C3AR1: variants seen among roughly 807,000 people sequenced by gnomAD.
The protein encoded by C3AR1 is complement C3a receptor 1, also known as C3a anaphylatoxin chemotactic receptor.
For synonymous variants in C3AR1, 208 were observed against 225.3 expected, an observed-to-expected ratio of 0.92 and a Z score of 0.69; for missense variants, 579 against 583.5, an observed-to-expected ratio of 0.99 and a Z score of 0.08.
At position 8,059,660 on chromosome 12, in the gene C3AR1, A is replaced by G; in HGVS notation, c.526T>C (p.Phe176Leu). Residue 176 changes from phenylalanine (F) to leucine (L), a missense_variant, in exon 2 of 2, where the codon TTT becomes CTT. By Grantham distance (22) the Phe-to-Leu change is conservative. Coordinates refer to ENST00000307637, the MANE Select transcript of C3AR1 (RefSeq NM_004054.4). The part of the protein sequence containing the change: ...TDNHNRCGYK[F>L]GLSSSLDYPD... Reference sequence around the variant, plus strand: ...TAATCTAATGAGCTGGAGAGACCAAATTTGTAGCCACATCTATTATGGTTG... The same window carrying G: ...TAATCTAATGAGCTGGAGAGACCAAGTTTGTAGCCACATCTATTATGGTTG... 6.2e-7 allele frequency: 1 copy of G among 1,614,184 alleles called. No individual in the cohort carries two copies.
intron 1 of C3AR1, among the ~76,000 whole-genome samples, chr12:8,065,871 A>G (rs1347789821): frequency 6.6e-6 from 1 of 152,084 alleles, no homozygotes; most frequent in Non-Finnish European, 1.5e-5. Flanking sequence ...CCCCAGAATC[A>G]AATTGTAGTA....
chr12:8,064,018 G>A (rs1244554943), intron 1 of C3AR1, among the ~76,000 whole-genome samples: 1 of 151,954 alleles, frequency 6.6e-6, no homozygotes, highest in East Asian at 1.9e-4. Context: ...GTTGCAGTGA[G>A]CTGAGATTGC....
At position 8,060,205 on chromosome 12, in the gene C3AR1, G is replaced by A. The variant is rs1415496561; in HGVS notation, c.-10-10C>T. 2 of 1,555,212 alleles carry A rather than the reference G, an allele frequency of 1.3e-6. No homozygotes were observed. Among genetic ancestry groups the A allele is most frequent in the Non-Finnish European group, 8.7e-7 (1 of 1,150,000 alleles). ...CGCCATTGCTAAACTTCTGCAAAAAGATGAAAAAAATGTTAAAACAAACAG... is the reference window on the plus strand; with the variant it reads ...CGCCATTGCTAAACTTCTGCAAAAAAATGAAAAAAATGTTAAAACAAACAG... On this transcript the variant is annotated splice_polypyrimidine_tract_variant and intron_variant, in intron 1 of 1. Coordinates refer to ENST00000307637, the MANE Select transcript of C3AR1 (RefSeq NM_004054.4).
chr12:8,062,218 T>C (rs994174515), intron 1 of C3AR1, among the ~76,000 whole-genome samples: 1 of 152,274 alleles, frequency 6.6e-6, no homozygotes, highest in East Asian at 1.9e-4. Flanking sequence ...CTATTGTGAA[T>C]TATGCATCAA....
In C3AR1 at chr12:8,059,232, G is replaced by T; in HGVS notation, c.954C>A (p.Tyr318Ter). The change falls in exon 2 of 2, where the codon TAC becomes TAA. Residue 318 changes from tyrosine to a stop codon, truncating the protein, a stop_gained. Transcript: ENST00000307637. LOFTEE classifies it low-confidence loss of function (END_TRUNC). ...SELPQGFQDY[Y>*]NLGQFTDDDQ... ...CGTCATCTGTGAATTGGCCTAAATTGTAATAATCCTGGAAACCTTGTGGTA... is the reference window on the plus strand; with the variant it reads ...CGTCATCTGTGAATTGGCCTAAATTTTAATAATCCTGGAAACCTTGTGGTA... 1 of 1,614,192 alleles carries T rather than the reference G, an allele frequency of 6.2e-7. No homozygotes were observed. Among genetic ancestry groups the T allele is most frequent in the Non-Finnish European group, 8.5e-7 (1 of 1,180,032 alleles).
At chr12:8,061,633 T>A (rs1401713225) in intron 1 of C3AR1, among the ~76,000 whole-genome samples, 1 of 152,138 alleles carries the variant, frequency 6.6e-6, no homozygotes, top group Non-Finnish European at 1.5e-5. Context: ...AACTAATTTT[T>A]GTATTTTTAG....
At chr12:8,065,649 G>C (rs1358574869) in intron 1 of C3AR1, among the ~76,000 whole-genome samples, 2 of 85,206 alleles carry the variant, frequency 2.3e-5, no homozygotes, top group Non-Finnish European at 4.0e-5. Flanking sequence ...GTGAGACTCT[G>C]TCTCAAAAAA....
rs1399172035 is a variant in C3AR1, at chr12:8,066,295, AGCTGAAG to A, written c.-35_-29del. On this transcript the variant is annotated 5_prime_UTR_variant, in exon 1 of 2. Coordinates refer to ENST00000307637, the MANE Select transcript of C3AR1 (RefSeq NM_004054.4). ...TTTCTTACCAAAAAACTGAGACAGTAGCTGAAGGCTTCAGCACCTGGATGTCTCCACG... is the reference window on the plus strand; with the variant it reads ...TTTCTTACCAAAAAACTGAGACAGTAGCTTCAGCACCTGGATGTCTCCACG... The A allele has an allele frequency of 6.6e-6, 1 of 152,232 alleles. No individual in the cohort carries two copies. The highest frequency in any genetic ancestry group is 1.5e-5 in the Non-Finnish European group (1 of 68,052). 9.4% of individuals were successfully genotyped at this position (152,232 alleles called of 1,614,324 possible). A position where few individuals can be genotyped will look rare whatever the true frequency, so the allele number is the denominator to read the frequency against.
Position 8,057,053 on chromosome 12 carries a change from T to C in C3AR1, c.*1684A>G, listed in dbSNP as rs748098469. On this transcript the variant is annotated 3_prime_UTR_variant, in exon 2 of 2. Transcript: ENST00000307637. Reference sequence around the variant, plus strand: ...GTAGTCCAGACCCTCACCTCAGCCATTGAACAGATAGTGTCTTGCAGGTCT... The same window carrying C: ...GTAGTCCAGACCCTCACCTCAGCCACTGAACAGATAGTGTCTTGCAGGTCT... Among the ~76,000 whole-genome samples, 2 of 152,336 alleles carry C rather than the reference T, an allele frequency of 1.3e-5. No individual in the cohort carries two copies. Among genetic ancestry groups the C allele is most frequent in the East Asian group, 3.9e-4 (2 of 5,192 alleles).
chr12:8,063,147 G>A (rs1193867642), intron 1 of C3AR1, among the ~76,000 whole-genome samples: 1 of 150,370 alleles, frequency 6.7e-6, no homozygotes, highest in Non-Finnish European at 1.5e-5. Flanking sequence ...TAGTAGAGAC[G>A]GGGTTTCACC....
intron 1 of C3AR1, 96 bp from the exon 2 acceptor site, chr12:8,060,291 G>T: frequency 9.3e-7 from 1 of 1,075,360 alleles, no homozygotes; most frequent in Non-Finnish European, 1.4e-6. Context: ...AAAGATGTGG[G>T]ATCATGAAAC....
Position 8,060,117 on chromosome 12 carries a change from T to C in C3AR1, c.69A>G (p.Val23=). ...LLSQPWNEPP[V]ILSMVILSLT... ...GGCTGAGAATGACCATGGAGAGAAT[T>C]ACTGGGGGCTCATTCCATGGCTGTG... is the stretch of plus-strand genomic sequence containing the variant. Residue 23 remains valine (V), a synonymous_variant, in exon 2 of 2, where the codon GTA becomes GTG. Coordinates refer to ENST00000307637, the MANE Select transcript of C3AR1 (RefSeq NM_004054.4). 1 of 1,613,924 alleles carries C rather than the reference T, an allele frequency of 6.2e-7. No individual in the cohort carries two copies. The highest frequency in any genetic ancestry group is 8.5e-7 in the Non-Finnish European group (1 of 1,179,798).
chr12:8,061,422 TC>T (rs1947272571), intron 1 of C3AR1, among the ~76,000 whole-genome samples: 1 of 152,076 alleles, frequency 6.6e-6, no homozygotes, highest in Non-Finnish European at 1.5e-5. Context: ...CTAGAAGCCT[TC>T]TAATATGTGG....
At position 8,059,532 on chromosome 12, in the gene C3AR1, T is replaced by G; in HGVS notation, c.654A>C (p.Thr218=). Residue 218 remains threonine (T), a synonymous_variant, in exon 2 of 2, where the codon ACA becomes ACC. Transcript: ENST00000307637. ...NDRLDPSSFQ[T]NDHPWTVPTV... ...TGGGGACTGTCCAAGGATGATCATT[T>G]GTTTGGAAAGAGGAAGGATCTAACC... 2 of 1,614,168 alleles carry G rather than the reference T, an allele frequency of 1.2e-6. No individual in the cohort carries two copies. Among genetic ancestry groups the G allele is most frequent in the Non-Finnish European group, 1.7e-6 (2 of 1,180,026 alleles).
Position 8,057,795 on chromosome 12 carries a change from A to G in C3AR1, c.*942T>C, listed in dbSNP as rs1947207472. Among the ~76,000 whole-genome samples the G allele has an allele frequency of 6.6e-6, 1 of 152,148 alleles. No homozygotes were observed. Among genetic ancestry groups the G allele is most frequent in the Admixed American group, 6.5e-5 (1 of 15,276 alleles). Reference sequence around the variant, plus strand: ...CATCCTCCACCCTCTTTCTCCTTCCACTTGAAATACTTTCTTAGAAAGTAT... The same window carrying G: ...CATCCTCCACCCTCTTTCTCCTTCCGCTTGAAATACTTTCTTAGAAAGTAT... On this transcript the variant is annotated 3_prime_UTR_variant, in exon 2 of 2. Transcript: ENST00000307637.
chr12:8,058,484 T>C lies in C3AR1; in HGVS notation c.*253A>G, dbSNP rs1947218290. 2.3e-6 allele frequency: 1 copy of C among 425,842 alleles called. No homozygotes were observed. The highest frequency in any genetic ancestry group is 4.2e-6 in the Non-Finnish European group (1 of 238,788). 26.4% of individuals were successfully genotyped at this position (425,842 alleles called of 1,614,324 possible). A position where few individuals can be genotyped will look rare whatever the true frequency, so the allele number is the denominator to read the frequency against. ...TTAGCATTAATCAGAAACGAGGGTTTGTTAAGTGCCCTTGCTGGGTCCCAA... is the reference window on the plus strand; with the variant it reads ...TTAGCATTAATCAGAAACGAGGGTTCGTTAAGTGCCCTTGCTGGGTCCCAA... On this transcript the variant is annotated 3_prime_UTR_variant, in exon 2 of 2. Coordinates refer to ENST00000307637, the MANE Select transcript of C3AR1 (RefSeq NM_004054.4).
At chr12:8,063,091 GGGAT>G in intron 1 of C3AR1, among the ~76,000 whole-genome samples, 1 of 150,870 alleles carries the variant, frequency 6.6e-6, no homozygotes, top group Middle Eastern at 3.4e-3. Context: ...CCGAGGAGCT[GGGAT>G]TACAGGCGTG....
At chr12:8,065,134 G>A (rs1947317491) in intron 1 of C3AR1, among the ~76,000 whole-genome samples, 2 of 140,374 alleles carry the variant, frequency 1.4e-5, no homozygotes, top group South Asian at 4.4e-4. Context: ...TTAGGCAAAT[G>A]CTGTTTTTAC....
chr12:8,061,383 G>A (rs1023517220), intron 1 of C3AR1, among the ~76,000 whole-genome samples: 8 of 151,940 alleles, frequency 5.3e-5, no homozygotes, highest in East Asian at 3.8e-4. Flanking sequence ...ATACACATGC[G>A]TATCTTTAGA....
Sources: gnomAD v4.1 joint callset for allele counts (sites outside exome capture counted in the v4.1 genomes callset) on GRCh38, gnomAD v4.1.1 for gene constraint, MANE v1.5 for transcripts, NCBI Gene and HGNC (gene_info 2026-07-23, HGNC 2026-07-21) for gene names.